CHRM3: variants seen among roughly 807,000 people sequenced by gnomAD.
The protein encoded by CHRM3 is muscarinic acetylcholine receptor M3.
Under a neutral mutation model 41.8 loss-of-function variants are expected in CHRM3, and 11 were observed. That is an observed-to-expected ratio of 0.26 (90% CI 0.17 to 0.44). CHRM3 has a LOEUF of 0.44. CHRM3 is among the 20% of genes least tolerant of loss of function. The probability of loss-of-function intolerance (pLI) is 1.00; values close to 1 mark genes in which losing one functional copy is unlikely to be tolerated. For synonymous variants in CHRM3, 297 were observed against 301.4 expected (o/e 0.99, Z 0.15); for missense variants, 571 against 745.4 (o/e 0.77, Z 2.72).
intron 6 of CHRM3, among the ~76,000 whole-genome samples, chr1:239,894,255 T>C (rs964854008): frequency 3.3e-5 from 5 of 152,178 alleles, no homozygotes; most frequent in East Asian, 1.9e-4. Context: ...AACAACCTAA[T>C]AGTAAAATAA....
At chr1:239,510,642 T>C (rs1230051526) in intron 2 of CHRM3, among the ~76,000 whole-genome samples, 1 of 151,976 alleles carries the variant, frequency 6.6e-6, no homozygotes, top group Non-Finnish European at 1.5e-5. Context: ...GTTCAAGTGA[T>C]TCTCCTGCCT....
At chr1:239,572,878 C>T (rs190831558) in intron 3 of CHRM3, among the ~76,000 whole-genome samples, 21 of 152,312 alleles carry the variant, frequency 1.4e-4, no homozygotes, top group Non-Finnish European at 4.4e-5. Context: ...AACTTTTATA[C>T]TTTACATGTA....
At chr1:239,457,046 C>A (rs952337743) in intron 1 of CHRM3, among the ~76,000 whole-genome samples, 14 of 152,182 alleles carry the variant, frequency 9.2e-5, no homozygotes, top group African/African-American at 3.4e-4. Flanking sequence ...GATGAAACAG[C>A]TTGTTGCTGT....
At chr1:239,639,761 C>G (rs1670893629) in intron 4 of CHRM3, among the ~76,000 whole-genome samples, 1 of 150,792 alleles carries the variant, frequency 6.6e-6, no homozygotes, top group African/African-American at 2.5e-5. Context: ...TTATTTCCTT[C>G]TCCTGCCTAA....
At chr1:239,596,714 C>G (rs976806952) in intron 3 of CHRM3, among the ~76,000 whole-genome samples, 1 of 152,090 alleles carries the variant, frequency 6.6e-6, no homozygotes, top group African/African-American at 2.4e-5. Flanking sequence ...ATTTCAGTGT[C>G]TAGAATGTGA....
At chr1:239,727,996 A>G (rs887863430) in intron 5 of CHRM3, among the ~76,000 whole-genome samples, 2 of 152,020 alleles carry the variant, frequency 1.3e-5, no homozygotes, top group African/African-American at 4.8e-5. Context: ...GGGACACCCC[A>G]ATCAAGCTAA....
chr1:239,530,777 G>A (rs1322574665), intron 2 of CHRM3, among the ~76,000 whole-genome samples: 1 of 152,092 alleles, frequency 6.6e-6, no homozygotes, highest in East Asian at 1.9e-4. Context: ...TTGATGAATA[G>A]CAATTATCCG....
intron 1 of CHRM3, among the ~76,000 whole-genome samples, chr1:239,485,511 G>A (rs563332441): frequency 8.4e-4 from 128 of 152,096 alleles, no homozygotes; most frequent in African/African-American, 2.9e-3. Context: ...CTTGAACTCC[G>A]GGCCTTAAGC....
rs74149233 is a variant in CHRM3, at chr1:239,824,570, C to T, written c.-146-2682C>T. Among the ~76,000 whole-genome samples the T allele has an allele frequency of 4.0e-3, 606 of 152,252 alleles. 2 individuals carry two copies. The highest frequency in any genetic ancestry group is 0.013 in the African/African-American group (556 of 41,546). On this transcript the variant is annotated intron_variant, in intron 5 of 6. Coordinates refer to ENST00000676153, the MANE Select transcript of CHRM3 (RefSeq NM_001375978.1). ...GGGGGAAAAGCAGTCTAAAACAATT[C>T]GCATATCTATAAATTAGGATCACGT...
At chr1:239,778,412 C>T (rs1266981378) in intron 5 of CHRM3, among the ~76,000 whole-genome samples, 1 of 152,154 alleles carries the variant, frequency 6.6e-6, no homozygotes. Flanking sequence ...ATCACATCTA[C>T]CACCCTCTCC....
chr1:239,899,543 G>A (rs1374117261), intron 6 of CHRM3, among the ~76,000 whole-genome samples: 1 of 148,602 alleles, frequency 6.7e-6, no homozygotes, highest in Non-Finnish European at 1.5e-5. Flanking sequence ...CCAATTAGCG[G>A]ACCAATTAGT....
At chr1:239,524,270 T>G (rs1669848742) in intron 2 of CHRM3, among the ~76,000 whole-genome samples, 1 of 152,194 alleles carries the variant, frequency 6.6e-6, no homozygotes, top group Non-Finnish European at 1.5e-5. Context: ...AAGTACAAAT[T>G]GTACTGACAG....
chr1:239,404,724 A>ATATAT (rs1553293659), intron 1 of CHRM3, among the ~76,000 whole-genome samples: 2 of 63,712 alleles, frequency 3.1e-5, no homozygotes, highest in African/African-American at 1.1e-4. Context: ...ATCTAAATAT[A>ATATAT]TATATATATA....
intron 3 of CHRM3, among the ~76,000 whole-genome samples, chr1:239,630,997 C>T (rs374198993): frequency 5.3e-5 from 8 of 151,768 alleles, no homozygotes; most frequent in Non-Finnish European, 7.4e-5. Context: ...GAGAGGATCC[C>T]GTGATTGACA....
At chr1:239,392,716 T>C (rs1365506679) in intron 1 of CHRM3, among the ~76,000 whole-genome samples, 1 of 152,204 alleles carries the variant, frequency 6.6e-6, no homozygotes, top group Non-Finnish European at 1.5e-5. Flanking sequence ...TTACCATAGG[T>C]AGCTATGGCT....
In CHRM3 at chr1:239,828,098, T is replaced by G. The variant is rs146638491; in HGVS notation, c.-20+720T>G. 1.6e-3 allele frequency among the ~76,000 whole-genome samples: 242 copies of G among 152,278 alleles called. 1 individual carries two copies. Among genetic ancestry groups the G allele is most frequent in the African/African-American group, 5.6e-3 (233 of 41,550 alleles). On this transcript the variant is annotated intron_variant, in intron 6 of 6. Transcript: ENST00000676153. Reference sequence around the variant, plus strand: ...GAAGTAAACACAGCTACTGCTCCCTTTGAGATTCTGTTTCTGTTAGGAAAA... The same window carrying G: ...GAAGTAAACACAGCTACTGCTCCCTGTGAGATTCTGTTTCTGTTAGGAAAA...
intron 1 of CHRM3, chr1:239,408,148 T>C (rs1320458347): frequency 6.6e-6 from 1 of 151,848 alleles, no homozygotes; most frequent in African/African-American, 2.4e-5. Context: ...TCTCACGAGA[T>C]CTGATGGTTT....
chr1:239,870,095 C>T (rs140239278), intron 6 of CHRM3, among the ~76,000 whole-genome samples: 1 of 152,296 alleles, frequency 6.6e-6, no homozygotes, highest in Non-Finnish European at 1.5e-5. Flanking sequence ...GGTTAAGGCA[C>T]ATTCTTTGAG....
chr1:239,791,040 G>A (rs1171012856), intron 5 of CHRM3, among the ~76,000 whole-genome samples: 4 of 138,932 alleles, frequency 2.9e-5, no homozygotes, highest in Non-Finnish European at 3.0e-5. Flanking sequence ...TGTAGGAGTC[G>A]CTCCTGGAGA....
Sources: gnomAD v4.1 joint callset for allele counts (sites outside exome capture counted in the v4.1 genomes callset) on GRCh38, gnomAD v4.1.1 for gene constraint, MANE v1.5 for transcripts, NCBI Gene and HGNC (gene_info 2026-07-23, HGNC 2026-07-21) for gene names.